Variants in CCSER2 observed in about 807,000 individuals in gnomAD.
CCSER2 encodes coiled-coil serine rich protein 2, also known as serine-rich coiled-coil domain-containing protein 2.
CCSER2 carries 46 observed loss-of-function variants against 92.3 expected under a neutral mutation model. That is an observed-to-expected ratio of 0.50 (90% confidence interval 0.39 to 0.64). CCSER2 has a LOEUF of 0.64. CCSER2 is among the 30% of genes least tolerant of loss of function. The probability of loss-of-function intolerance (pLI) is 0.00; values close to 1 mark genes in which losing one functional copy is unlikely to be tolerated. For missense variants in CCSER2, 1,244 were observed against 1,238.9 expected, an observed-to-expected ratio of 1.00 and a Z score of -0.06; for synonymous variants, 433 against 431.4, an observed-to-expected ratio of 1.00 and a Z score of -0.04.
intron 1 of CCSER2, among the ~76,000 whole-genome samples, chr10:84,336,012 GTTTCT>G (rs914085920): frequency 6.6e-6 from 1 of 152,012 alleles, no homozygotes; most frequent in Non-Finnish European, 1.5e-5. Context: ...GTTTTGTTTT[GTTTCT>G]TTTCCTTATT....
intron 1 of CCSER2, among the ~76,000 whole-genome samples, chr10:84,369,358 C>T (rs1458130647): frequency 6.6e-6 from 1 of 152,118 alleles, no homozygotes; most frequent in Non-Finnish European, 1.5e-5. Context: ...AATAGCCATT[C>T]TGGCTGGGAT....
chr10:84,493,660 T>G (rs1848291096), intron 9 of CCSER2, among the ~76,000 whole-genome samples: 1 of 152,170 alleles, frequency 6.6e-6, no homozygotes, highest in Non-Finnish European at 1.5e-5. Context: ...CCTTTTAAAC[T>G]ATATAGGGCA....
In CCSER2 at chr10:84,513,511, A is replaced by G. The variant is rs1354081703; in HGVS notation, c.2388A>G (p.Leu796=). 2.5e-6 allele frequency: 4 copies of G among 1,614,140 alleles called. No homozygotes were observed. Among genetic ancestry groups the G allele is most frequent in the Non-Finnish European group, 3.4e-6 (4 of 1,180,002 alleles). Reference sequence around the variant, plus strand: ...CCACAGATCACACCCAGGGAAAACTAATAAAGCCACAACGTATCGAGGCCC... The same window carrying G: ...CCACAGATCACACCCAGGGAAAACTGATAAAGCCACAACGTATCGAGGCCC... The part of the protein sequence containing the change: ...PRPTDHTQGK[L]IKPQRIEARS... The change falls in exon 10 of 10, where the codon CTA becomes CTG. Residue 796 remains leucine, a synonymous_variant. Coordinates refer to ENST00000372088, the MANE Select transcript of CCSER2 (RefSeq NM_001284240.2).
chr10:84,463,960 A>G lies in CCSER2; in HGVS notation c.2092A>G (p.Ile698Val). ...QHDGSGSLHD[I>V]QLSLPSSPEP... is the part of the protein sequence containing the mutation. ...TGATGGAAGTGGTTCATTGCATGAT[A>G]TTCAACTGTCATTGCCATCCAGTCC... The change falls in exon 7 of 10, where the codon ATT (isoleucine) becomes GTT (valine). Residue 698 changes from isoleucine to valine, a missense_variant. Transcript: ENST00000372088. 1 of 1,611,320 alleles carries G rather than the reference A, an allele frequency of 6.2e-7. No individual in the cohort carries two copies. The highest frequency in any genetic ancestry group is 8.5e-7 in the Non-Finnish European group (1 of 1,177,740).
chr10:84,372,602 G>T, intron 2 of CCSER2, 133 bp downstream of exon 2: 2 of 590,912 alleles, frequency 3.4e-6, no homozygotes, highest in South Asian at 2.6e-5. Context: ...CAAAATTGAG[G>T]TGGGTTAACG....
intron 9 of CCSER2, among the ~76,000 whole-genome samples, chr10:84,490,223 G>A (rs972065389): frequency 5.9e-5 from 9 of 152,132 alleles, no homozygotes; most frequent in Non-Finnish European, 1.0e-4. Context: ...GTGTCTTGGA[G>A]TTGCTCTTCT....
intron 9 of CCSER2, among the ~76,000 whole-genome samples, chr10:84,492,004 G>T (rs1276842591): frequency 6.6e-6 from 1 of 152,212 alleles, no homozygotes; most frequent in African/African-American, 2.4e-5. Flanking sequence ...TCTGGGCCAT[G>T]TGCGGTGGCT....
At chr10:84,342,283 TATC>T (rs1301799175) in intron 1 of CCSER2, among the ~76,000 whole-genome samples, 1 of 152,196 alleles carries the variant, frequency 6.6e-6, no homozygotes, top group East Asian at 1.9e-4. Flanking sequence ...TGGGATATGA[TATC>T]ATATCACAGT....
At chr10:84,391,949 T>C in intron 3 of CCSER2, 1 of 1,369,840 alleles carries the variant, frequency 7.3e-7, no homozygotes, top group Non-Finnish European at 1.0e-6. Context: ...AGATCCTTCA[T>C]GGATTTAAAA....
At chr10:84,369,724 C>A (rs1845966789) in intron 1 of CCSER2, among the ~76,000 whole-genome samples, 1 of 151,928 alleles carries the variant, frequency 6.6e-6, no homozygotes, top group Non-Finnish European at 1.5e-5. Flanking sequence ...AATTCTTTGC[C>A]TAGACCAATA....
chr10:84,354,263 T>A (rs1023679727), intron 1 of CCSER2, among the ~76,000 whole-genome samples: 6 of 151,394 alleles, frequency 4.0e-5, no homozygotes, highest in Admixed American at 1.3e-4. Flanking sequence ...TTTTTTTTTT[T>A]AAATAGGGTT....
intron 3 of CCSER2, among the ~76,000 whole-genome samples, chr10:84,394,832 T>C (rs562594351): frequency 2.0e-4 from 30 of 152,304 alleles, no homozygotes; most frequent in Non-Finnish European, 3.8e-4. Flanking sequence ...CTGAACATTT[T>C]TTCTCATAAA....
chr10:84,336,787 A>G (rs997945967), intron 1 of CCSER2, among the ~76,000 whole-genome samples: 3 of 152,186 alleles, frequency 2.0e-5, no homozygotes, highest in Non-Finnish European at 2.9e-5. Flanking sequence ...CTCAGCTGCT[A>G]TGTAGGGGTG....
chr10:84,372,679 C>T (rs929336638), intron 2 of CCSER2, among the ~76,000 whole-genome samples: 1 of 152,106 alleles, frequency 6.6e-6, no homozygotes, highest in African/African-American at 2.4e-5. Context: ...ATTAATAAAA[C>T]CACTCTTAAC....
intron 8 of CCSER2, 37 bp from the exon 9 acceptor site, chr10:84,477,538 A>T: frequency 8.5e-7 from 1 of 1,176,206 alleles, no homozygotes; most frequent in Non-Finnish European, 1.3e-6. Context: ...GTATATGCAG[A>T]ATTAAACCAA....
At chr10:84,508,155 T>A (rs1020540410) in intron 9 of CCSER2, among the ~76,000 whole-genome samples, 10 of 152,236 alleles carry the variant, frequency 6.6e-5, no homozygotes, top group African/African-American at 1.7e-4. Context: ...TGTTTGAATT[T>A]GAACACGTTA....
intron 9 of CCSER2, among the ~76,000 whole-genome samples, chr10:84,479,917 A>G (rs369040788): frequency 8.5e-5 from 13 of 152,196 alleles, no homozygotes; most frequent in African/African-American, 3.1e-4. Flanking sequence ...GCTTAATCTT[A>G]GTGAGAGATC....
At chr10:84,369,340 T>A (rs1225457128) in intron 1 of CCSER2, among the ~76,000 whole-genome samples, 1 of 152,170 alleles carries the variant, frequency 6.6e-6, no homozygotes, top group Non-Finnish European at 1.5e-5. Context: ...GTTTTTTGAC[T>A]TTTTAATAAT....
chr10:84,384,977 A>G (rs1841110348), intron 3 of CCSER2, among the ~76,000 whole-genome samples: 1 of 151,558 alleles, frequency 6.6e-6, no homozygotes, highest in Non-Finnish European at 1.5e-5. Context: ...ACAGAACCAA[A>G]TTGAGAGCTG....
Sources: gnomAD v4.1 joint callset for allele counts (sites outside exome capture counted in the v4.1 genomes callset) on GRCh38, gnomAD v4.1.1 for gene constraint, MANE v1.5 for transcripts, NCBI Gene and HGNC (gene_info 2026-07-23, HGNC 2026-07-21) for gene names.